SFI1: variants seen among roughly 807,000 people sequenced by gnomAD.
SFI1 encodes the protein SFI1 centrin binding protein.
In SFI1, 195 loss-of-function variants were observed where a neutral mutation model predicts 207.5. The ratio of observed to expected loss-of-function variants is 0.94; its 90% CI spans 0.84 to 1.06. SFI1 has a LOEUF of 1.06. Ranked by LOEUF, SFI1 falls within the 50% of genes least tolerant of loss-of-function variation. The pLI, the probability that SFI1 is intolerant of heterozygous loss-of-function variation, is 0.00. For missense variants in SFI1, 1,634 were observed against 1,588.0 expected, an observed-to-expected ratio of 1.03 and a Z score of -0.49; for synonymous variants, 630 against 598.9, an observed-to-expected ratio of 1.05 and a Z score of -0.76.
chr22:31,609,764 G>A (rs118014959), intron 22 of SFI1, among the ~76,000 whole-genome samples: 3,305 of 152,370 alleles, frequency 0.022, 41 homozygotes, highest in Non-Finnish European at 0.033. Flanking sequence ...TGTGTTTCTA[G>A]TTTACGAAGA....
chr22:31,546,318 A>G (rs781190339), intron 4 of SFI1, among the ~76,000 whole-genome samples: 46 of 151,306 alleles, frequency 3.0e-4, no homozygotes, highest in Non-Finnish European at 4.7e-4. Context: ...TTTTTAATCT[A>G]TCTTGGTGTT....
chr22:31,530,954 T>A, intron 3 of SFI1, 104 bp from the exon 4 acceptor site: 1 of 857,356 alleles, frequency 1.2e-6, no homozygotes, highest in Non-Finnish European at 1.9e-6. Flanking sequence ...CATACTAACA[T>A]CCCTCTGCTG....
intron 3 of SFI1, among the ~76,000 whole-genome samples, chr22:31,530,171 CAAAAAAAAAAA>C (rs1162482504): frequency 4.0e-3 from 48 of 12,104 alleles, no homozygotes; most frequent in East Asian, 4.8e-3. Flanking sequence ...GACTCCATCT[CAAAAAAAAAAA>C]AAAAAAAAAA....
chr22:31,580,170 T>G, intron 11 of SFI1, 102 bp from the exon 12 acceptor site: 1 of 798,326 alleles, frequency 1.3e-6, no homozygotes, highest in Non-Finnish European at 2.1e-6. Context: ...TGACCAAGCT[T>G]CTCCCCGCTG....
chr22:31,515,926 C>A (rs1053801108), intron 2 of SFI1, among the ~76,000 whole-genome samples: 1 of 151,648 alleles, frequency 6.6e-6, no homozygotes, highest in Non-Finnish European at 1.5e-5. Context: ...TTAGTAGAGA[C>A]GGAGTTTCAC....
At chr22:31,550,557 T>G in intron 6 of SFI1, 1 of 493,118 alleles carries the variant, frequency 2.0e-6, no homozygotes, top group Non-Finnish European at 3.6e-6. Flanking sequence ...TGGCATGGTT[T>G]GAGCCCTTAA....
In SFI1 at chr22:31,571,125, GGTCTAGA is replaced by G. The variant is rs565582295; in HGVS notation, c.766-1924_766-1918del. 8.2e-3 allele frequency among the ~76,000 whole-genome samples: 1,242 copies of G among 152,298 alleles called. 8 individuals carry two copies. The highest frequency in any genetic ancestry group is 0.013 in the South Asian group (63 of 4,826). ...AAGTGTTAGCTGGATGGCACAATGC[GGTCTAGA>G]GTCTAGAGAGGGGTGTTGCTTTGTT... is the stretch of plus-strand genomic sequence containing the variant. On this transcript the variant is annotated intron_variant, in intron 8 of 32. Transcript: ENST00000400288.
intron 15 of SFI1, among the ~76,000 whole-genome samples, chr22:31,595,389 C>T (rs964630855): frequency 6.6e-6 from 1 of 152,226 alleles, no homozygotes; most frequent in Non-Finnish European, 1.5e-5. Context: ...TAAACTCATT[C>T]TGCCCATGGC....
intron 20 of SFI1, chr22:31,606,004 C>T (rs2068905520): frequency 3.5e-6 from 1 of 288,906 alleles, no homozygotes; most frequent in African/African-American, 2.1e-5. Flanking sequence ...GGTTCCCTGT[C>T]TCTCCACACT....
intron 15 of SFI1, among the ~76,000 whole-genome samples, chr22:31,594,120 G>C (rs1245907777): frequency 3.3e-5 from 5 of 152,184 alleles, no homozygotes; most frequent in Non-Finnish European, 1.5e-5. Context: ...CAGCCCATTA[G>C]CTTTCTGGAT....
chr22:31,498,153 G>T (rs1286110767), intron 1 of SFI1, among the ~76,000 whole-genome samples: 1 of 152,176 alleles, frequency 6.6e-6, no homozygotes, highest in Non-Finnish European at 1.5e-5. Context: ...ATATTAGCCG[G>T]ATGTGGTGGC....
chr22:31,499,283 C>G (rs2053305432), intron 1 of SFI1, among the ~76,000 whole-genome samples: 2 of 152,138 alleles, frequency 1.3e-5, no homozygotes, highest in Admixed American at 1.3e-4. Flanking sequence ...CAACCTCCGC[C>G]TCCCGGGTTC....
At chr22:31,582,211 T>TAC (rs2064312502) in intron 12 of SFI1, among the ~76,000 whole-genome samples, 1 of 24,826 alleles carries the variant, frequency 4.0e-5, no homozygotes, top group Non-Finnish European at 9.0e-5. Flanking sequence ...ACATTTTATA[T>TAC]ATATATATAT....
At position 31,613,386 on chromosome 22, in the gene SFI1, A is replaced by G. The variant is rs1368089900; in HGVS notation, c.2598A>G (p.Glu866=). 4.3e-6 allele frequency: 7 copies of G among 1,611,758 alleles called. No individual in the cohort carries two copies. The highest frequency in any genetic ancestry group is 5.1e-6 in the Non-Finnish European group (6 of 1,179,586). Residue 866 remains glutamate, a synonymous_variant, in exon 26 of 33, where the codon GAA becomes GAG. Coordinates refer to ENST00000400288, the MANE Select transcript of SFI1 (RefSeq NM_001007467.3). The stretch of plus-strand genomic sequence containing the variant: ...CCACGTGGCTGGCCTTTGTACTGGA[A>G]AGGAGGAGAAAGAAGGCGCGGCTGC... The part of the protein sequence containing the change: ...VWATWLAFVL[E]RRRKKARLQW...
intron 24 of SFI1, chr22:31,612,088 A>T (rs898776113): frequency 1.7e-6 from 2 of 1,199,684 alleles, no homozygotes; most frequent in African/African-American, 3.2e-5. Flanking sequence ...TAAAAAATAC[A>T]TCAGTGGAGG....
chr22:31,584,589 C>T (rs1257179259), intron 13 of SFI1, among the ~76,000 whole-genome samples: 1 of 152,116 alleles, frequency 6.6e-6, no homozygotes. Context: ...GTATAATCAA[C>T]TTAATTTGCA....
At position 31,580,372 on chromosome 22, in the gene SFI1, T is replaced by C; in HGVS notation, c.1248+8T>C. The C allele has an allele frequency of 6.2e-7, 1 of 1,611,018 alleles. No homozygotes were observed. Among genetic ancestry groups the C allele is most frequent in the Non-Finnish European group, 8.5e-7 (1 of 1,177,246 alleles). On this transcript the variant is annotated splice_region_variant and intron_variant, in intron 12 of 32. Coordinates refer to ENST00000400288, the MANE Select transcript of SFI1 (RefSeq NM_001007467.3). ...CAGCAGCATGGTGTCACGGTGAGGG[T>C]TGTCTTCTGTATCAAGGGACCTCTT...
intron 19 of SFI1, 195 bp from the exon 20 acceptor site, chr22:31,604,674 G>A (rs913129093): frequency 3.9e-5 from 23 of 595,106 alleles, no homozygotes; most frequent in Non-Finnish European, 5.7e-5. Context: ...CTTAGGAGGT[G>A]AGGGCCTGTG....
intron 20 of SFI1, chr22:31,605,208 T>G: frequency 3.3e-6 from 1 of 305,682 alleles, no homozygotes; most frequent in East Asian, 5.3e-5. Context: ...TCTGAGCACT[T>G]TTTCCTCCCT....
Sources: gnomAD v4.1 joint callset for allele counts (sites outside exome capture counted in the v4.1 genomes callset) on GRCh38, gnomAD v4.1.1 for gene constraint, MANE v1.5 for transcripts, NCBI Gene and HGNC (gene_info 2026-07-23, HGNC 2026-07-21) for gene names.